PPM1B: variants seen among roughly 807,000 people sequenced by gnomAD.
PPM1B encodes protein phosphatase 1B.
A neutral mutation model predicts 43.0 loss-of-function variants in PPM1B; 22 were observed. The ratio of observed to expected loss-of-function variants is 0.51; its 90% CI spans 0.37 to 0.73. The LOEUF is 0.73. Ranked by LOEUF, PPM1B falls within the 30% of genes least tolerant of loss-of-function variation. PPM1B has a pLI of 0.00. For synonymous variants in PPM1B, 217 were observed against 197.9 expected, an observed-to-expected ratio of 1.10 and a Z score of -0.81; for missense variants, 632 against 584.2, an observed-to-expected ratio of 1.08 and a Z score of -0.84.
chr2:44,235,165 A>G (rs1670576298), downstream of PPM1B, among the ~76,000 whole-genome samples: 1 of 152,228 alleles, frequency 6.6e-6, no homozygotes, highest in Non-Finnish European at 1.5e-5. Flanking sequence ...TTATGTTAAA[A>G]TCCACTGGGT....
At chr2:44,197,137 CAG>C (rs1668700301) in intron 1 of PPM1B, among the ~76,000 whole-genome samples, 1 of 152,026 alleles carries the variant, frequency 6.6e-6, no homozygotes, top group Non-Finnish European at 1.5e-5. Context: ...TTTTTTGAGA[CAG>C]GGTCTTGCTG....
At chr2:44,200,739 GA>G (rs1398295412) in intron 1 of PPM1B, among the ~76,000 whole-genome samples, 13 of 152,108 alleles carry the variant, frequency 8.5e-5, no homozygotes, top group Non-Finnish European at 1.5e-5. Flanking sequence ...TTGATTTATT[GA>G]ACAAGATGAC....
intron 1 of PPM1B, among the ~76,000 whole-genome samples, chr2:44,181,939 A>G (rs1667894370): frequency 6.6e-6 from 1 of 151,860 alleles, no homozygotes; most frequent in Non-Finnish European, 1.5e-5. Flanking sequence ...AGAAAAAAGA[A>G]TAAAGAATAA....
chr2:44,225,463 T>C (rs1670166035), intron 5 of PPM1B, among the ~76,000 whole-genome samples: 1 of 152,180 alleles, frequency 6.6e-6, no homozygotes, highest in Non-Finnish European at 1.5e-5. Flanking sequence ...TCAAATATAA[T>C]GGCTGCGGAA....
chr2:44,193,877 C>T (rs562642683), intron 1 of PPM1B, among the ~76,000 whole-genome samples: 24 of 152,158 alleles, frequency 1.6e-4, no homozygotes, highest in African/African-American at 5.8e-4. Flanking sequence ...CTGTGCCCAG[C>T]ATAAAAAATT....
intron 1 of PPM1B, among the ~76,000 whole-genome samples, chr2:44,171,614 G>C (rs1642322536): frequency 6.6e-6 from 1 of 151,918 alleles, no homozygotes; most frequent in East Asian, 1.9e-4. Flanking sequence ...TGGATCACTT[G>C]AGGTTAGGAG....
At chr2:44,169,564 C>T (rs1035589709) in intron 1 of PPM1B, among the ~76,000 whole-genome samples, 14 of 152,256 alleles carry the variant, frequency 9.2e-5, no homozygotes, top group Non-Finnish European at 1.9e-4. Context: ...GACTGATTCT[C>T]TCTTCCCTCC....
downstream of PPM1B, among the ~76,000 whole-genome samples, chr2:44,235,314 TTTG>T (rs1168066883): frequency 6.6e-6 from 1 of 152,154 alleles, no homozygotes; most frequent in Non-Finnish European, 1.5e-5. Flanking sequence ...ATTAAAGTTT[TTTG>T]TTAAGGGTAG....
At chr2:44,241,569 T>G (rs1178827937) in intron 5 of PPM1B, among the ~76,000 whole-genome samples, 2 of 141,780 alleles carry the variant, frequency 1.4e-5, no homozygotes, top group Non-Finnish European at 3.1e-5. Flanking sequence ...CCATCTCTAC[T>G]AAAAATACAA....
At chr2:44,216,928 A>C (rs963671119) in intron 3 of PPM1B, among the ~76,000 whole-genome samples, 1 of 150,880 alleles carries the variant, frequency 6.6e-6, no homozygotes, top group Admixed American at 6.6e-5. Context: ...GACATTCACC[A>C]TACAGAGGGG....
chr2:44,174,092 CT>C (rs1667473004), intron 1 of PPM1B, among the ~76,000 whole-genome samples: 1 of 152,178 alleles, frequency 6.6e-6, no homozygotes, highest in Admixed American at 6.5e-5. Context: ...TAATTTAAAA[CT>C]TTTGATTTAT....
At chr2:44,212,205 C>T (rs557463658) in intron 3 of PPM1B, among the ~76,000 whole-genome samples, 22 of 152,248 alleles carry the variant, frequency 1.4e-4, no homozygotes, top group African/African-American at 5.1e-4. Flanking sequence ...CTTGTTGTAG[C>T]GTCTTTTTGT....
chr2:44,176,311 C>G (rs1417158287), intron 1 of PPM1B, among the ~76,000 whole-genome samples: 1 of 152,102 alleles, frequency 6.6e-6, no homozygotes, highest in African/African-American at 2.4e-5. Flanking sequence ...TATATGTTGT[C>G]ATTTATGTTT....
rs1390667433 is a variant in PPM1B at position 44,182,544 on chromosome 2, A to G, written c.-15+13270A>G. Among the ~76,000 whole-genome samples, 5 of 152,212 alleles carry G rather than the reference A, an allele frequency of 3.3e-5. No homozygotes were observed. The East Asian group carries it at 9.6e-4, about 29-fold the overall frequency. The stretch of plus-strand genomic sequence containing the variant: ...CCAAAGTACTGGGATTACAGGAGTG[A>G]ACCACAGTGCCTGGCCAATACTAGT... On this transcript the variant is annotated intron_variant, in intron 1 of 5. Transcript: ENST00000282412.
intron 3 of PPM1B, among the ~76,000 whole-genome samples, chr2:44,212,047 G>A (rs1263372001): frequency 6.6e-6 from 1 of 152,100 alleles, no homozygotes; most frequent in Non-Finnish European, 1.5e-5. Context: ...ACCGCGCCTG[G>A]TTTAGTCATT....
chr2:44,186,769 C>G (rs1191702390), intron 1 of PPM1B, among the ~76,000 whole-genome samples: 12 of 152,232 alleles, frequency 7.9e-5, no homozygotes, highest in Admixed American at 7.9e-4. Flanking sequence ...AAGGAATTTT[C>G]TGTGGTCTAG....
downstream of PPM1B, chr2:44,233,737 C>A: frequency 1.0e-6 from 1 of 985,808 alleles, no homozygotes; most frequent in South Asian, 4.7e-5. Flanking sequence ...ATACAGACAG[C>A]TTTCCTGATC....
chr2:44,227,157 T>C (rs1272550721), intron 5 of PPM1B, among the ~76,000 whole-genome samples: 1 of 152,034 alleles, frequency 6.6e-6, no homozygotes, highest in Non-Finnish European at 1.5e-5. Context: ...TTTTGTTTTG[T>C]AGAGACGGGG....
At chr2:44,179,053 T>G (rs956175530) in intron 1 of PPM1B, among the ~76,000 whole-genome samples, 1 of 152,142 alleles carries the variant, frequency 6.6e-6, no homozygotes, top group Non-Finnish European at 1.5e-5. Flanking sequence ...GGGAGGTAAT[T>G]GAATCATGGG....
Sources: allele counts gnomAD v4.1 joint callset (sites outside exome capture counted in the v4.1 genomes callset), GRCh38; gene constraint gnomAD v4.1.1; transcripts MANE v1.5; gene names NCBI Gene and HGNC (gene_info 2026-07-23, HGNC 2026-07-21).